Variants in MID1 observed in about 807,000 individuals in gnomAD.
MID1 encodes E3 ubiquitin-protein ligase Midline-1.
Under a neutral mutation model 40.4 loss-of-function variants are expected in MID1, and 7 were observed. The ratio of observed to expected loss-of-function variants is 0.17; its 90% CI spans 0.10 to 0.33. MID1 has a LOEUF of 0.33. MID1 is among the 10% of genes least tolerant of loss of function. The pLI, the probability that MID1 is intolerant of heterozygous loss-of-function variation, is 1.00. For missense variants in MID1, 367 were observed against 558.5 expected (o/e 0.66, Z 3.46); for synonymous variants, 229 against 221.2 (o/e 1.04, Z -0.31).
intron 1 of MID1, among the ~76,000 whole-genome samples, chrX:10,747,307 T>C (rs1437394207): frequency 8.9e-6 from 1 of 111,921 alleles, no homozygotes; most frequent in Non-Finnish European, 1.9e-5. Context: ...ATGAGTTCTA[T>C]AGAAATCTAT....
At chrX:10,509,325 G>C (rs1569075627) in intron 3 of MID1, among the ~76,000 whole-genome samples, 2 of 111,623 alleles carry the variant, frequency 1.8e-5, no homozygotes, top group African/African-American at 6.5e-5. Context: ...TTCAGACCTA[G>C]GTTGATTAGC....
chrX:10,484,034 T>C (rs1032649704), intron 4 of MID1, among the ~76,000 whole-genome samples: 1 of 112,324 alleles, frequency 8.9e-6, no homozygotes, highest in Non-Finnish European at 1.9e-5. Flanking sequence ...AGTGGATTAA[T>C]TGTATTCATT....
intron 1 of MID1, among the ~76,000 whole-genome samples, chrX:10,790,583 T>C (rs1179807429): frequency 9.0e-6 from 1 of 110,943 alleles, no homozygotes; most frequent in Non-Finnish European, 1.9e-5. Flanking sequence ...TTCCTCCCAC[T>C]AGTACCAGGA....
chrX:10,595,258 A>G (rs1935390084), intron 1 of MID1, among the ~76,000 whole-genome samples: 1 of 111,911 alleles, frequency 8.9e-6, no homozygotes, highest in Non-Finnish European at 1.9e-5. Context: ...ATTCATGTTT[A>G]TTGCAGCACT....
chrX:10,809,523 C>T (rs1182280803), intron 1 of MID1, among the ~76,000 whole-genome samples: 123 of 111,505 alleles, frequency 1.1e-3, no homozygotes, highest in African/African-American at 3.8e-3. Flanking sequence ...GACTTGGAAC[C>T]AACCCAAATG....
intron 1 of MID1, among the ~76,000 whole-genome samples, chrX:10,613,571 G>A (rs1377669654): frequency 9.4e-6 from 1 of 106,028 alleles, no homozygotes; most frequent in Admixed American, 1.0e-4. Flanking sequence ...TTGGCGATTA[G>A]GCTTTGAGCT....
At chrX:10,522,325 C>T (rs945284990) in intron 3 of MID1, among the ~76,000 whole-genome samples, 4 of 112,002 alleles carry the variant, frequency 3.6e-5, no homozygotes, top group Non-Finnish European at 7.5e-5. Flanking sequence ...CTGCAACTAC[C>T]AGAAAATGGG....
At chrX:10,599,770 T>C (rs1450490476) in intron 1 of MID1, among the ~76,000 whole-genome samples, 1 of 112,479 alleles carries the variant, frequency 8.9e-6, no homozygotes, top group African/African-American at 3.2e-5. Flanking sequence ...TTGTATAAAA[T>C]ACTTCCAATT....
intron 1 of MID1, among the ~76,000 whole-genome samples, chrX:10,771,498 GT>G (rs371301188): frequency 1.3e-3 from 131 of 101,272 alleles, no homozygotes; most frequent in African/African-American, 2.4e-3. Context: ...ATTTATCTAT[GT>G]TTTTTTTTTT....
chrX:10,518,796 G>A (rs1276027154), intron 3 of MID1, among the ~76,000 whole-genome samples: 1 of 111,262 alleles, frequency 9.0e-6, no homozygotes, highest in Non-Finnish European at 1.9e-5. Context: ...CCATTCCCAA[G>A]GATTTATACA....
chrX:10,530,019 T>C (rs1246512882), intron 2 of MID1, among the ~76,000 whole-genome samples: 2 of 112,058 alleles, frequency 1.8e-5, no homozygotes, highest in African/African-American at 6.5e-5. Flanking sequence ...GCTTTTCTCA[T>C]TGGTACCGTT....
intron 1 of MID1, among the ~76,000 whole-genome samples, chrX:10,768,794 C>T (rs1376747653): frequency 1.8e-5 from 2 of 111,649 alleles, no homozygotes; most frequent in Non-Finnish European, 3.8e-5. Context: ...TTTATATATT[C>T]TTCCCCTTCT....
chrX:10,725,957 C>G (rs1004200402), intron 1 of MID1, among the ~76,000 whole-genome samples: 6 of 112,408 alleles, frequency 5.3e-5, no homozygotes, highest in African/African-American at 1.9e-4. Flanking sequence ...CTTTCCTTCA[C>G]TGTCTCATAG....
At chrX:10,729,823 G>A (rs934683084) in intron 1 of MID1, among the ~76,000 whole-genome samples, 26 of 111,806 alleles carry the variant, frequency 2.3e-4, no homozygotes, top group Admixed American at 7.6e-4. Context: ...GGTGGCTCAC[G>A]CCTGTAATCC....
At chrX:10,580,168 C>A (rs1282028537) in intron 1 of MID1, among the ~76,000 whole-genome samples, 1 of 106,998 alleles carries the variant, frequency 9.3e-6, no homozygotes, top group Non-Finnish European at 1.9e-5. Flanking sequence ...AAACTGCCTT[C>A]AAATCACATT....
intron 1 of MID1, among the ~76,000 whole-genome samples, chrX:10,572,219 C>CATAT (rs33986039): frequency 1.6e-3 from 159 of 100,677 alleles, no homozygotes; most frequent in African/African-American, 4.8e-3. Flanking sequence ...CACACACACA[C>CATAT]ATATATATAT....
intron 1 of MID1, among the ~76,000 whole-genome samples, chrX:10,587,387 G>A (rs761013304): frequency 5.3e-5 from 6 of 113,142 alleles, no homozygotes; most frequent in East Asian, 2.8e-4. Flanking sequence ...CCTCCCTGTC[G>A]TGAGAGACAC....
intron 1 of MID1, among the ~76,000 whole-genome samples, chrX:10,676,051 G>A (rs977453206): frequency 8.9e-6 from 1 of 111,891 alleles, no homozygotes; most frequent in African/African-American, 3.3e-5. Context: ...TACAAAACAG[G>A]TGATACATAC....
In MID1 at chrX:10,447,388, T is replaced by C. The variant is rs1250472117; in HGVS notation, c.*1980A>G. 8.9e-6 allele frequency: 1 copy of C among 111,886 alleles called. No individual in the cohort carries two copies. The highest frequency in any genetic ancestry group is 3.2e-5 in the African/African-American group (1 of 30,802). The allele number at this position is 111,886 out of a possible 1,213,427, so 9.2% of individuals were successfully genotyped here. ...TTTTAAAAACTCAGAAGCTGAGTTTTAGACCCTTTTATTTAGAACCTGTTA... is the reference window on the plus strand; with the variant it reads ...TTTTAAAAACTCAGAAGCTGAGTTTCAGACCCTTTTATTTAGAACCTGTTA... On this transcript the variant is annotated 3_prime_UTR_variant, in exon 10 of 10. Transcript: ENST00000317552.
Sources: allele counts gnomAD v4.1 joint callset (sites outside exome capture counted in the v4.1 genomes callset), GRCh38; gene constraint gnomAD v4.1.1; transcripts MANE v1.5; gene names NCBI Gene and HGNC (gene_info 2026-07-23, HGNC 2026-07-21).